Variants in FMN1 observed in about 807,000 individuals in gnomAD.
FMN1 encodes formin-1.
A neutral mutation model predicts 132.4 loss-of-function variants in FMN1; 110 were observed. The observed-to-expected ratio is 0.83, with a 90% CI of 0.71 to 0.97. The LOEUF (loss-of-function observed/expected upper bound fraction) is 0.97, where lower values mean the gene tolerates loss of function less well. FMN1 is among the 50% of genes least tolerant of loss of function. The probability of loss-of-function intolerance (pLI) is 0.00; values close to 1 mark genes in which losing one functional copy is unlikely to be tolerated. For missense variants in FMN1, 1,792 were observed against 1,705.3 expected, an observed-to-expected ratio of 1.05 and a Z score of -0.90; for synonymous variants, 722 against 651.7, an observed-to-expected ratio of 1.11 and a Z score of -1.64.
chr15:33,046,783 T>TA (rs986446503), intron 6 of FMN1, among the ~76,000 whole-genome samples: 1 of 152,170 alleles, frequency 6.6e-6, no homozygotes, highest in Non-Finnish European at 1.5e-5. Context: ...GAATGAATGG[T>TA]AAAAATCACT....
chr15:32,908,345 T>C, intron 12 of FMN1, 145 bp downstream of exon 12: 1 of 599,760 alleles, frequency 1.7e-6, no homozygotes, highest in Non-Finnish European at 3.0e-6. Context: ...AGGGTCATCC[T>C]GCTGCATGCA....
At chr15:33,032,651 C>CT (rs1196121211) in intron 6 of FMN1, among the ~76,000 whole-genome samples, 16 of 152,184 alleles carry the variant, frequency 1.1e-4, no homozygotes, top group Non-Finnish European at 2.1e-4. Context: ...ACAAAGTATT[C>CT]CAGGTTTATG....
chr15:32,899,992 T>C lies in FMN1; in HGVS notation c.3641A>G (p.Asp1214Gly). ...AAAAATAAATACCCGACTTTTGACATCCTTGAGTTTGGGCAGAATTTCTAA... is the reference window on the plus strand; with the variant it reads ...AAAAATAAATACCCGACTTTTGACACCCTTGAGTTTGGGCAGAATTTCTAA... ...YSLEILPKLK[D>G]VKSRDNGINL... is the part of the protein sequence containing the mutation. Residue 1214 changes from aspartate to glycine, a missense_variant, in exon 14 of 21, where the codon GAT (aspartate) becomes GGT (glycine). By Grantham distance (94) the Asp-to-Gly change is moderately conservative (BLOSUM62 -1). Transcript: ENST00000616417. 6.2e-7 allele frequency: 1 copy of C among 1,613,672 alleles called. No individual in the cohort carries two copies.
At chr15:33,143,165 A>C (rs2468752) in intron 4 of FMN1, among the ~76,000 whole-genome samples, 63,270 of 152,066 alleles carry the variant, frequency 0.42, 13,567 homozygotes, top group East Asian at 0.66. Flanking sequence ...AATTCTACTC[A>C]CATCTCTGAG....
chr15:32,955,703 T>A, intron 9 of FMN1, among the ~76,000 whole-genome samples: 1 of 152,224 alleles, frequency 6.6e-6, no homozygotes, highest in Non-Finnish European at 1.5e-5. Context: ...GCATATCCTG[T>A]ACTTTTTTGT....
rs1001711679 is a variant in FMN1, at chr15:32,796,486, G to A, written c.4130+2318C>T. Among the ~76,000 whole-genome samples, 11 of 152,240 alleles carry A rather than the reference G, an allele frequency of 7.2e-5. 1 individual carries two copies. In the East Asian group the frequency reaches 2.1e-3, roughly 29 times the overall value. On this transcript the variant is annotated intron_variant, in intron 19 of 20. Transcript: ENST00000616417. Reference sequence around the variant, plus strand: ...TTTTTAGGATGCCCTTGTTAATGATGTTATGTTGTCTCCTGATGTTTAGTG... The same window carrying A: ...TTTTTAGGATGCCCTTGTTAATGATATTATGTTGTCTCCTGATGTTTAGTG...
chr15:33,121,555 A>G (rs1962559432), intron 4 of FMN1, among the ~76,000 whole-genome samples: 1 of 152,066 alleles, frequency 6.6e-6, no homozygotes, highest in African/African-American at 2.4e-5. Flanking sequence ...TTTTTTAGAT[A>G]GTCTTGCTCT....
intron 15 of FMN1, among the ~76,000 whole-genome samples, chr15:32,892,165 C>T (rs895571492): frequency 2.0e-5 from 3 of 152,116 alleles, no homozygotes; most frequent in Non-Finnish European, 4.4e-5. Context: ...CAACTTTTCC[C>T]CATTCAATAT....
intron 17 of FMN1, among the ~76,000 whole-genome samples, chr15:32,808,549 A>AT (rs1424996702): frequency 2.0e-5 from 3 of 152,214 alleles, no homozygotes; most frequent in African/African-American, 7.2e-5. Flanking sequence ...CCTGGGTTTA[A>AT]TTTCTGCTCT....
intron 7 of FMN1, among the ~76,000 whole-genome samples, chr15:32,980,014 C>A (rs552682893): frequency 1.3e-5 from 2 of 152,240 alleles, no homozygotes; most frequent in African/African-American, 2.4e-5. Context: ...GAGAAATCTG[C>A]CATTGAATGG....
At chr15:33,148,506 T>C (rs750533827) in intron 4 of FMN1, among the ~76,000 whole-genome samples, 88 of 152,174 alleles carry the variant, frequency 5.8e-4, no homozygotes, top group Non-Finnish European at 6.8e-4. Context: ...TACACTCTGC[T>C]TTCTGGTTGG....
At chr15:33,008,272 G>A (rs550939900) in intron 6 of FMN1, among the ~76,000 whole-genome samples, 197 bp from the exon 7 acceptor site, 3 of 152,152 alleles carry the variant, frequency 2.0e-5, no homozygotes, top group African/African-American at 7.2e-5. Context: ...TTTAGCAAAC[G>A]CTGAATTACG....
intron 3 of FMN1, among the ~76,000 whole-genome samples, chr15:33,178,712 AC>A (rs1428368322): frequency 6.6e-6 from 1 of 152,202 alleles, no homozygotes; most frequent in Non-Finnish European, 1.5e-5. Flanking sequence ...TGATAGATAC[AC>A]TGGCATTCAG....
chr15:32,809,344 CT>C (rs2057792517), intron 17 of FMN1, among the ~76,000 whole-genome samples: 1 of 152,158 alleles, frequency 6.6e-6, no homozygotes, highest in African/African-American at 2.4e-5. Flanking sequence ...AAATTCAATT[CT>C]CTTTGTTGCC....
At chr15:33,019,108 G>A (rs1308622119) in intron 6 of FMN1, among the ~76,000 whole-genome samples, 1 of 152,160 alleles carries the variant, frequency 6.6e-6, no homozygotes, top group African/African-American at 2.4e-5. Flanking sequence ...CCCACATCCT[G>A]CTCATTGGTC....
At chr15:32,832,317 A>C (rs1385846654) in intron 17 of FMN1, among the ~76,000 whole-genome samples, 1 of 152,222 alleles carries the variant, frequency 6.6e-6, no homozygotes, top group African/African-American at 2.4e-5. Context: ...GTGGTGTATA[A>C]AATAAAATAC....
chr15:33,185,569 T>G (rs1028334629), intron 2 of FMN1, among the ~76,000 whole-genome samples: 1 of 46,964 alleles, frequency 2.1e-5, no homozygotes, highest in Non-Finnish European at 4.1e-5. Flanking sequence ...AAAGTAAGAA[T>G]TTTTTTTTTT....
chr15:32,858,085 C>A (rs2059177984), intron 16 of FMN1, among the ~76,000 whole-genome samples: 1 of 152,098 alleles, frequency 6.6e-6, no homozygotes, highest in Admixed American at 6.5e-5. Flanking sequence ...CTGGGGTTCA[C>A]AAAATAGAGA....
At chr15:33,104,749 G>A (rs1242310818) in intron 4 of FMN1, among the ~76,000 whole-genome samples, 1 of 152,048 alleles carries the variant, frequency 6.6e-6, no homozygotes, top group Non-Finnish European at 1.5e-5. Flanking sequence ...AAAGAAAAAA[G>A]AGTAAAGGAA....
Sources: gnomAD v4.1 joint callset for allele counts (sites outside exome capture counted in the v4.1 genomes callset) on GRCh38, gnomAD v4.1.1 for gene constraint, MANE v1.5 for transcripts, NCBI Gene and HGNC (gene_info 2026-07-23, HGNC 2026-07-21) for gene names.